LRP1B: variants seen among roughly 807,000 people sequenced by gnomAD.
LRP1B encodes the protein LDL receptor related protein 1B.
A neutral mutation model predicts 556.6 loss-of-function variants in LRP1B; 217 were observed. The observed-to-expected ratio is 0.39, with a 90% CI of 0.35 to 0.44. LRP1B has a LOEUF of 0.44. Ranked by LOEUF, LRP1B falls within the 20% of genes least tolerant of loss-of-function variation. The pLI, the probability that LRP1B is intolerant of heterozygous loss-of-function variation, is 1.00. For synonymous variants in LRP1B, 2,047 were observed against 1,865.8 expected, an observed-to-expected ratio of 1.10 and a Z score of -2.50; for missense variants, 5,053 against 5,620.8, an observed-to-expected ratio of 0.90 and a Z score of 3.23.
chr2:141,029,350 A>T (rs1698303265), intron 11 of LRP1B, among the ~76,000 whole-genome samples: 1 of 152,046 alleles, frequency 6.6e-6, no homozygotes, highest in South Asian at 2.1e-4. Flanking sequence ...ATTTATGGGT[A>T]TTGGGAGAGG....
At chr2:140,302,499 C>T (rs1479324841) in intron 83 of LRP1B, among the ~76,000 whole-genome samples, 2 of 152,256 alleles carry the variant, frequency 1.3e-5, no homozygotes, top group African/African-American at 4.8e-5. Flanking sequence ...TAGATAATTA[C>T]TATGATGGTT....
intron 66 of LRP1B, among the ~76,000 whole-genome samples, chr2:140,441,230 A>T (rs796879848): frequency 2.2e-4 from 33 of 152,056 alleles, no homozygotes; most frequent in African/African-American, 7.5e-4. Flanking sequence ...CAGAAATAAC[A>T]CTCCAGTCCA....
intron 32 of LRP1B, 147 bp from the exon 33 acceptor site, chr2:140,776,385 A>G (rs976743217): frequency 1.6e-4 from 78 of 491,830 alleles, no homozygotes; most frequent in Admixed American, 2.5e-4. Context: ...TCACTGTCAC[A>G]TTTAAAAATG....
intron 2 of LRP1B, among the ~76,000 whole-genome samples, chr2:141,497,162 C>T (rs1683538196): frequency 6.6e-6 from 1 of 152,000 alleles, no homozygotes; most frequent in Non-Finnish European, 1.5e-5. Context: ...CACACACAGA[C>T]ATCCCCCAAT....
chr2:140,611,890 T>C (rs926455296), intron 41 of LRP1B, among the ~76,000 whole-genome samples: 1 of 152,034 alleles, frequency 6.6e-6, no homozygotes, highest in Non-Finnish European at 1.5e-5. Flanking sequence ...ACTAAAATTA[T>C]CAATAGGAAA....
chr2:140,594,292 A>T (rs1457811417), intron 43 of LRP1B, among the ~76,000 whole-genome samples: 1 of 152,200 alleles, frequency 6.6e-6, no homozygotes, highest in East Asian at 1.9e-4. Context: ...ATTAAAACAA[A>T]CAAGCAAAAA....
chr2:141,784,636 C>T (rs1422548249), intron 2 of LRP1B, among the ~76,000 whole-genome samples: 3 of 151,844 alleles, frequency 2.0e-5, no homozygotes, highest in Non-Finnish European at 4.4e-5. Flanking sequence ...TTTCCTTACC[C>T]CAGGGAACTG....
chr2:140,331,393 T>C (rs1007636048), intron 79 of LRP1B, among the ~76,000 whole-genome samples: 4 of 152,034 alleles, frequency 2.6e-5, no homozygotes, highest in African/African-American at 9.7e-5. Context: ...TTGTGTCTTA[T>C]ACGGTGCCCA....
At chr2:141,061,786 A>G (rs560094825) in intron 8 of LRP1B, among the ~76,000 whole-genome samples, 3 of 151,764 alleles carry the variant, frequency 2.0e-5, no homozygotes, top group South Asian at 4.2e-4. Context: ...CGAATATAGC[A>G]TTTTTGTCTT....
At chr2:140,600,772 T>TTTTTTTTTTTTG (rs1682628866) in intron 42 of LRP1B, among the ~76,000 whole-genome samples, 2 of 90,056 alleles carry the variant, frequency 2.2e-5, no homozygotes, top group Admixed American at 2.6e-4. Context: ...TCGGGGTTTT[T>TTTTTTTTTTTTG]TTTTTTTTTT....
chr2:141,061,488 T>C (rs1025167337), intron 8 of LRP1B, among the ~76,000 whole-genome samples: 3 of 151,798 alleles, frequency 2.0e-5, no homozygotes, highest in Non-Finnish European at 4.4e-5. Context: ...TTGCAAAACG[T>C]TGTAATTCAG....
intron 3 of LRP1B, among the ~76,000 whole-genome samples, chr2:141,280,753 G>A (rs554153377): frequency 3.3e-5 from 5 of 151,940 alleles, no homozygotes; most frequent in African/African-American, 1.2e-4. Context: ...ATAATAGAAA[G>A]TAAATTTTAT....
chr2:140,252,625 C>T (rs897048380), intron 86 of LRP1B, among the ~76,000 whole-genome samples: 1 of 151,934 alleles, frequency 6.6e-6, no homozygotes. Context: ...CAGGAGAGTA[C>T]CAGGCTCTAA....
At chr2:141,987,585 CTT>C (rs1702232437) in intron 1 of LRP1B, among the ~76,000 whole-genome samples, 1 of 128,218 alleles carries the variant, frequency 7.8e-6, no homozygotes, top group Non-Finnish European at 1.7e-5. Context: ...CTTTTTCTCT[CTT>C]TGTGTCTGTA....
At chr2:140,661,531 G>GCCACAC (rs1197547201) in intron 41 of LRP1B, among the ~76,000 whole-genome samples, 3 of 151,588 alleles carry the variant, frequency 2.0e-5, no homozygotes, top group Non-Finnish European at 2.9e-5. Flanking sequence ...ACGCAGTGTG[G>GCCACAC]TGGCACACAC....
chr2:140,356,052 C>A (rs1447864997), intron 75 of LRP1B, among the ~76,000 whole-genome samples: 1 of 151,806 alleles, frequency 6.6e-6, no homozygotes, highest in Non-Finnish European at 1.5e-5. Context: ...AGTTCCTGAA[C>A]CAGGAATTTC....
chr2:140,984,966 A>G (rs189285211), intron 17 of LRP1B, among the ~76,000 whole-genome samples: 82 of 152,180 alleles, frequency 5.4e-4, no homozygotes, highest in African/African-American at 1.8e-3. Context: ...AACTCACAAC[A>G]TTCACTTTTT....
chr2:142,001,084 G>A (rs1702636986), intron 1 of LRP1B, among the ~76,000 whole-genome samples: 1 of 152,138 alleles, frequency 6.6e-6, no homozygotes. Context: ...TCTCTTGCCT[G>A]CCTACCTGTA....
intron 29 of LRP1B, among the ~76,000 whole-genome samples, chr2:140,849,800 A>T (rs376737088): frequency 1.3e-5 from 2 of 152,158 alleles, no homozygotes; most frequent in Admixed American, 1.3e-4. Context: ...TCGGCCTCCC[A>T]AAGTGCCGGG....
Sources: gnomAD v4.1 joint callset for allele counts (sites outside exome capture counted in the v4.1 genomes callset) on GRCh38, gnomAD v4.1.1 for gene constraint, MANE v1.5 for transcripts, NCBI Gene and HGNC (gene_info 2026-07-23, HGNC 2026-07-21) for gene names.